PPFIA2: variants seen among roughly 807,000 people sequenced by gnomAD.
PPFIA2 encodes liprin-alpha-2.
In PPFIA2, 46 loss-of-function variants were observed where a neutral mutation model predicts 175.5. That is an observed-to-expected ratio of 0.26 (90% CI 0.21 to 0.34). PPFIA2 has a LOEUF of 0.34. PPFIA2 is among the 10% of genes least tolerant of loss of function. PPFIA2 has a pLI of 1.00. For synonymous variants in PPFIA2, 568 were observed against 511.4 expected, an observed-to-expected ratio of 1.11 and a Z score of -1.49; for missense variants, 1,179 against 1,506.1, an observed-to-expected ratio of 0.78 and a Z score of 3.60.
chr12:81,364,238 T>C (rs945635414), intron 14 of PPFIA2, among the ~76,000 whole-genome samples: 14 of 151,732 alleles, frequency 9.2e-5, no homozygotes, highest in African/African-American at 3.4e-4. Flanking sequence ...AGAGGTTAAA[T>C]TGACAAATAG....
At chr12:81,563,737 C>T (rs1382901763) in intron 4 of PPFIA2, among the ~76,000 whole-genome samples, 1 of 152,150 alleles carries the variant, frequency 6.6e-6, no homozygotes, top group African/African-American at 2.4e-5. Flanking sequence ...TATGATGATA[C>T]ACTAGTCAGT....
chr12:81,743,522 T>TAA (rs66667057), intron 3 of PPFIA2, among the ~76,000 whole-genome samples: 1 of 145,118 alleles, frequency 6.9e-6, no homozygotes, highest in African/African-American at 2.5e-5. Context: ...TAGCTTTTTT[T>TAA]AAAAAAAAAA....
In PPFIA2 at chr12:81,294,766, G is replaced by A. The variant is rs542342928; in HGVS notation, c.2925+69C>T. The A allele has an allele frequency of 2.1e-6, 3 of 1,430,754 alleles. No individual in the cohort carries two copies. The African/African-American group carries it at 4.2e-5, about 20-fold the overall frequency. The allele number at this position is 1,430,754 out of a possible 1,614,324, so 88.6% of individuals were successfully genotyped here. ...TTGAAATGTGTGCTGTCACAATTTT[G>A]CTCTGTAGACTTAGACACACGGCTA... is the stretch of plus-strand genomic sequence containing the variant. On this transcript the variant is annotated intron_variant, in intron 24 of 32. Transcript: ENST00000549396.
intron 4 of PPFIA2, among the ~76,000 whole-genome samples, chr12:81,591,011 G>C (rs529207843): frequency 1.5e-4 from 23 of 152,112 alleles, no homozygotes; most frequent in Non-Finnish European, 1.5e-4. Context: ...AGGAAAATGT[G>C]GGACAATTTG....
At chr12:81,632,368 T>C (rs1332980769) in intron 4 of PPFIA2, among the ~76,000 whole-genome samples, 2 of 152,026 alleles carry the variant, frequency 1.3e-5, no homozygotes, top group African/African-American at 2.4e-5. Flanking sequence ...CCTTACATAA[T>C]TTGAAAAACA....
chr12:81,367,131 G>C lies in PPFIA2; in HGVS notation c.1522C>G (p.Leu508Val). 1 of 1,434,010 alleles carries C rather than the reference G, an allele frequency of 7.0e-7. No homozygotes were observed. Among genetic ancestry groups the C allele is most frequent in the African/African-American group, 1.5e-5 (1 of 68,508 alleles). 88.8% of individuals were successfully genotyped at this position (1,434,010 alleles called of 1,614,324 possible). ...IQESETFRKNLEESLHDKERL... is the reference protein window; with the variant it reads ...IQESETFRKNVEESLHDKERL... ...ACCTTATCATGTAAAGATTCTTCAA[G>C]ATTCTTTCTGAAAGTTTCTGATTCT... Residue 508 changes from leucine (L) to valine (V), a missense_variant, in exon 14 of 33, where the codon CTT becomes GTT. Leu to Val is a conservative substitution (Grantham distance 32). Around this residue, in one of 10 missense-constraint regions of PPFIA2, gnomAD observed 186 missense variants for 163.6 expected, o/e 1.14. Transcript: ENST00000549396.
intron 20 of PPFIA2, among the ~76,000 whole-genome samples, 179 bp downstream of exon 20, chr12:81,340,899 A>G (rs1185190946): frequency 6.6e-6 from 1 of 152,146 alleles, no homozygotes; most frequent in Non-Finnish European, 1.5e-5. Context: ...CTTTAAAAAT[A>G]CAAATTTGAT....
chr12:81,653,705 T>C (rs2067349735), intron 4 of PPFIA2, among the ~76,000 whole-genome samples: 1 of 152,094 alleles, frequency 6.6e-6, no homozygotes, highest in East Asian at 1.9e-4. Flanking sequence ...TAGGTGGATA[T>C]AAATTTTGAG....
chr12:81,407,037 T>C (rs1164216424), intron 7 of PPFIA2, among the ~76,000 whole-genome samples: 2 of 152,198 alleles, frequency 1.3e-5, no homozygotes, highest in Admixed American at 1.3e-4. Context: ...TATCCTTCTC[T>C]AGGTATATGT....
chr12:81,263,080 A>G, intron 31 of PPFIA2, 151 bp downstream of exon 31: 1 of 699,634 alleles, frequency 1.4e-6, no homozygotes, highest in Non-Finnish European at 2.3e-6. Flanking sequence ...GCAGTGTAAA[A>G]AGGAGTCTGG....
At chr12:81,328,968 T>C (rs549997863) in intron 21 of PPFIA2, among the ~76,000 whole-genome samples, 16 of 152,188 alleles carry the variant, frequency 1.1e-4, no homozygotes, top group African/African-American at 3.9e-4. Context: ...TATGCCCGGC[T>C]AGTTTTTCTA....
intron 8 of PPFIA2, among the ~76,000 whole-genome samples, chr12:81,401,310 T>C (rs958949322): frequency 3.9e-5 from 6 of 152,186 alleles, no homozygotes; most frequent in African/African-American, 1.4e-4. Flanking sequence ...CCTAAGATGA[T>C]GTAATTCATT....
chr12:81,649,605 A>G (rs2066701695), intron 4 of PPFIA2, among the ~76,000 whole-genome samples: 1 of 152,240 alleles, frequency 6.6e-6, no homozygotes, highest in Non-Finnish European at 1.5e-5. Context: ...TATTTAGAGC[A>G]GATTTGTTCA....
At chr12:81,504,411 C>T (rs563282876) in intron 4 of PPFIA2, among the ~76,000 whole-genome samples, 5 of 152,176 alleles carry the variant, frequency 3.3e-5, no homozygotes, top group Admixed American at 2.0e-4. Context: ...TATCACTGGT[C>T]ATTAGAGAAA....
chr12:81,484,289 A>T (rs1017398866), intron 4 of PPFIA2, among the ~76,000 whole-genome samples: 1 of 151,984 alleles, frequency 6.6e-6, no homozygotes, highest in Non-Finnish European at 1.5e-5. Context: ...CTTTGGAAGA[A>T]GGGGTGGTTT....
rs139466860 is a variant in PPFIA2 at position 81,712,278 on chromosome 12, G to A, written c.250-35434C>T. On this transcript the variant is annotated intron_variant, in intron 3 of 32. Transcript: ENST00000549396. ...GTCTATAAACAAGATTAGAGAAATC[G>A]TTTTATAAATTTGAATGTTGAGATT... Among the ~76,000 whole-genome samples, 42 of 151,278 alleles carry A rather than the reference G, an allele frequency of 2.8e-4. 1 individual carries two copies. In the South Asian group the frequency reaches 3.1e-3, roughly 11 times the overall value.
intron 4 of PPFIA2, among the ~76,000 whole-genome samples, chr12:81,625,360 G>T (rs1197457558): frequency 2.0e-5 from 3 of 151,818 alleles, no homozygotes; most frequent in Admixed American, 2.0e-4. Context: ...TAATGTGTTT[G>T]ATTTGCATGG....
At chr12:81,403,339 A>G (rs1402063882) in intron 8 of PPFIA2, among the ~76,000 whole-genome samples, 2 of 152,190 alleles carry the variant, frequency 1.3e-5, no homozygotes, top group East Asian at 3.8e-4. Flanking sequence ...AGAGACAAAT[A>G]TCAATTATGC....
intron 4 of PPFIA2, among the ~76,000 whole-genome samples, chr12:81,489,186 G>A (rs2059163119): frequency 6.6e-6 from 1 of 151,646 alleles, no homozygotes; most frequent in African/African-American, 2.4e-5. Context: ...TAAAGCATTG[G>A]AAAGAGTTTA....
Sources: gnomAD v4.1 joint callset for allele counts (sites outside exome capture counted in the v4.1 genomes callset) on GRCh38, gnomAD v4.1.1 for gene constraint, gnomAD v4.1.1 regional missense constraint, MANE v1.5 for transcripts, NCBI Gene and HGNC (gene_info 2026-07-23, HGNC 2026-07-21) for gene names.